The following MAP3K15 variants were observed in gnomAD, a reference collection of about 807,000 sequenced individuals.
The protein encoded by MAP3K15 is mitogen-activated protein kinase kinase kinase 15, also known as MAPK/ERK kinase kinase 15.
Under a neutral mutation model 99.5 loss-of-function variants are expected in MAP3K15, and 124 were observed. The ratio of observed to expected loss-of-function variants is 1.25; its 90% confidence interval spans 1.08 to 1.45. MAP3K15 has a LOEUF of 1.45. MAP3K15 is among the 40% of genes most tolerant of loss of function. MAP3K15 has a pLI of 0.00. For synonymous variants in MAP3K15, 494 were observed against 439.6 expected (o/e 1.12, Z -1.55); for missense variants, 1,242 against 1,079.7 (o/e 1.15, Z -2.11).
Position 19,372,771 on chromosome X carries a change from T to C in MAP3K15, c.2990A>G (p.Asp997Gly). 1 of 1,211,328 alleles carries C rather than the reference T, an allele frequency of 8.3e-7. No homozygotes were observed. The highest frequency in any genetic ancestry group is 1.1e-6 in the Non-Finnish European group (1 of 895,118). The change falls in exon 22 of 29, where the codon GAC (aspartate) becomes GGC (glycine). Residue 997 changes from aspartate to glycine, a missense_variant. Physicochemically the swap from Asp to Gly is moderately conservative, Grantham distance 94 (BLOSUM62 -1). Coordinates refer to ENST00000338883, the MANE Select transcript of MAP3K15 (RefSeq NM_001001671.4). ...EDRGLASSPE[D>G]RDQGLFLLRK... ...TAGCAGGAAGAGGCCCTGGTCCCTGTCCTCCGGGGACGAGGCCAAGCCCCG... is the reference window on the plus strand; with the variant it reads ...TAGCAGGAAGAGGCCCTGGTCCCTGCCCTCCGGGGACGAGGCCAAGCCCCG...
At chrX:19,368,358 C>T (rs2063350544) in intron 25 of MAP3K15, among the ~76,000 whole-genome samples, 1 of 112,500 alleles carries the variant, frequency 8.9e-6, no homozygotes, top group African/African-American at 3.2e-5. Flanking sequence ...GCCAGGCTGT[C>T]TCAAACTCTT....
chrX:19,475,734 A>G (rs1296120762), intron 3 of MAP3K15, among the ~76,000 whole-genome samples: 1 of 111,769 alleles, frequency 8.9e-6, no homozygotes, highest in Non-Finnish European at 1.9e-5. Context: ...GCCACTAACT[A>G]AGGACACCTA....
intron 13 of MAP3K15, among the ~76,000 whole-genome samples, chrX:19,406,734 T>C (rs112124705): frequency 1.8e-5 from 2 of 113,082 alleles, no homozygotes; most frequent in African/African-American, 6.4e-5. Context: ...GGAGTTTCGC[T>C]CTTGTTCCCC....
intron 3 of MAP3K15, among the ~76,000 whole-genome samples, chrX:19,483,543 A>G (rs1361472900): frequency 9.2e-6 from 1 of 108,479 alleles, no homozygotes; most frequent in East Asian, 2.9e-4. Context: ...TATTTATAAG[A>G]CTTCACTGTT....
chrX:19,422,446 A>C (rs1020130239), intron 9 of MAP3K15, among the ~76,000 whole-genome samples: 2 of 112,370 alleles, frequency 1.8e-5, no homozygotes, highest in African/African-American at 3.2e-5. Context: ...ATCACTGGCC[A>C]TCAGAAAAAT....
intron 1 of MAP3K15, among the ~76,000 whole-genome samples, chrX:19,504,448 T>C (rs1002612195): frequency 2.5e-4 from 28 of 111,325 alleles, no homozygotes; most frequent in African/African-American, 8.8e-4. Context: ...ATATGGATGT[T>C]TGGCGAACAC....
At position 19,439,611 on chromosome X, in the gene MAP3K15, C is replaced by T. The variant is rs1355524547; in HGVS notation, c.996-8003G>A. 4.5e-5 allele frequency among the ~76,000 whole-genome samples: 5 copies of T among 110,974 alleles called. No individual in the cohort carries two copies. The East Asian group carries it at 8.4e-4, about 19-fold the overall frequency. ...CCTCCTGAGTAGCTGGGACTATAGG[C>T]GTACACCACCAAGGCAAGATAATTT... On this transcript the variant is annotated intron_variant, in intron 6 of 28. Transcript: ENST00000338883.
chrX:19,443,021 G>T, intron 6 of MAP3K15, among the ~76,000 whole-genome samples: 1 of 11,736 alleles, frequency 8.5e-5, no homozygotes, highest in Non-Finnish European at 1.8e-4. Flanking sequence ...ACCATGCCCG[G>T]CTTTTTTTTT....
intron 3 of MAP3K15, among the ~76,000 whole-genome samples, chrX:19,465,752 AAAAACAAAAC>A (rs1314204063): frequency 9.1e-6 from 1 of 109,939 alleles, no homozygotes; most frequent in Admixed American, 9.8e-5. Flanking sequence ...AGACTACATC[AAAAACAAAAC>A]AAAACAAAAC....
At chrX:19,381,327 C>A (rs1229158466) in intron 18 of MAP3K15, among the ~76,000 whole-genome samples, 1 of 111,322 alleles carries the variant, frequency 9.0e-6, no homozygotes, top group East Asian at 2.8e-4. Flanking sequence ...AAGGCAGAAT[C>A]AGGAAGAATC....
intron 12 of MAP3K15, 49 bp from the exon 13 acceptor site, chrX:19,407,332 T>C (rs1428350124): frequency 1.4e-6 from 1 of 694,671 alleles, no homozygotes; most frequent in African/African-American, 2.2e-5. Context: ...TGATACCCAC[T>C]CTAAATCTGC....
At chrX:19,483,951 T>G (rs759451766) in intron 3 of MAP3K15, among the ~76,000 whole-genome samples, 9 of 111,643 alleles carry the variant, frequency 8.1e-5, no homozygotes, top group Non-Finnish European at 1.7e-4. Flanking sequence ...CTTTTCCTCT[T>G]AGTGCAATTT....
At chrX:19,485,490 T>G (rs2064318347) in intron 3 of MAP3K15, among the ~76,000 whole-genome samples, 1 of 109,637 alleles carries the variant, frequency 9.1e-6, no homozygotes, top group African/African-American at 3.3e-5. Context: ...GCTTGTAAAA[T>G]TCATGCTCCA....
chrX:19,368,708 G>A (rs1347528231), intron 25 of MAP3K15, among the ~76,000 whole-genome samples: 1 of 111,562 alleles, frequency 9.0e-6, no homozygotes. Context: ...CTGAGCCTGC[G>A]AGACCCACAC....
At chrX:19,474,455 AT>A (rs1286465815) in intron 3 of MAP3K15, among the ~76,000 whole-genome samples, 5 of 86,891 alleles carry the variant, frequency 5.8e-5, no homozygotes, top group East Asian at 4.0e-4. Flanking sequence ...AATCATGGCC[AT>A]TTTTTTTTGC....
intron 20 of MAP3K15, 37 bp downstream of exon 20, chrX:19,374,440 G>C (rs771303297): frequency 4.3e-6 from 5 of 1,174,637 alleles, no homozygotes; most frequent in Non-Finnish European, 5.8e-6. Context: ...CATTCTTGTG[G>C]CCAGGGTGCT....
At chrX:19,405,339 C>A (rs2063639963) in intron 13 of MAP3K15, among the ~76,000 whole-genome samples, 1 of 111,641 alleles carries the variant, frequency 9.0e-6, no homozygotes, top group Non-Finnish European at 1.9e-5. Flanking sequence ...AACATCATTT[C>A]TGTGATATTC....
chrX:19,374,624 C>T lies in MAP3K15; in HGVS notation c.2626G>A (p.Ala876Thr). ...AAGGCTCGGGCTTCAGCTGAAAGGGCTTCTGGAATCTCAGGGTGGATCTTA... is the reference window on the plus strand; with the variant it reads ...AAGGCTCGGGCTTCAGCTGAAAGGGTTTCTGGAATCTCAGGGTGGATCTTA... Reference protein sequence around the residue: ...MFKIHPEIPEALSAEARAFIL... With the variant: ...MFKIHPEIPETLSAEARAFIL... Residue 876 changes from alanine to threonine, a missense_variant, in exon 20 of 29, where the codon GCC becomes ACC. Transcript: ENST00000338883. 1 of 1,211,196 alleles carries T rather than the reference C, an allele frequency of 8.3e-7. No homozygotes were observed. The highest frequency in any genetic ancestry group is 1.1e-6 in the Non-Finnish European group (1 of 895,282).
At chrX:19,361,472 A>ATTTC (rs757189654) in intron 27 of MAP3K15, 21 bp downstream of exon 27, 1 of 1,197,224 alleles carries the variant, frequency 8.4e-7, no homozygotes, top group South Asian at 1.8e-5. Flanking sequence ...CAGCATAAGA[A>ATTTC]TTTCTTTGTT....
Sources: gnomAD v4.1 joint callset for allele counts (sites outside exome capture counted in the v4.1 genomes callset) on GRCh38, gnomAD v4.1.1 for gene constraint, MANE v1.5 for transcripts, NCBI Gene and HGNC (gene_info 2026-07-23, HGNC 2026-07-21) for gene names.